ADK: variants seen among roughly 807,000 people sequenced by gnomAD.
ADK encodes the protein N6,N6-dimethyladenosine kinase.
In ADK, 24 loss-of-function variants were observed where a neutral mutation model predicts 44.7. That is an observed-to-expected ratio of 0.54 (90% CI 0.39 to 0.76). ADK has a LOEUF of 0.76. Among genes scored for constraint, ADK ranks in the 30% least tolerant of loss-of-function variants. The pLI is 0.00. For synonymous variants in ADK, 128 were observed against 142.6 expected (o/e 0.90, Z 0.73); for missense variants, 321 against 425.1 (o/e 0.76, Z 2.15).
At chr10:74,326,871 G>A (rs1363265771) in intron 4 of ADK, among the ~76,000 whole-genome samples, 1 of 151,798 alleles carries the variant, frequency 6.6e-6, no homozygotes, top group Non-Finnish European at 1.5e-5. Context: ...ATATTTCTCT[G>A]GGATCAATTG....
intron 10 of ADK, among the ~76,000 whole-genome samples, chr10:74,690,607 T>C (rs527537253): frequency 9.2e-5 from 14 of 152,244 alleles, no homozygotes; most frequent in Non-Finnish European, 1.9e-4. Flanking sequence ...AAATAAGCTT[T>C]GTCCTGTCAA....
chr10:74,309,664 G>T (rs978823062), intron 3 of ADK, among the ~76,000 whole-genome samples: 1 of 151,982 alleles, frequency 6.6e-6, no homozygotes, highest in Non-Finnish European at 1.5e-5. Flanking sequence ...AAGGGAGAGG[G>T]GTGTATGAAG....
At chr10:74,307,089 A>C (rs578092999) in intron 3 of ADK, among the ~76,000 whole-genome samples, 9 of 152,182 alleles carry the variant, frequency 5.9e-5, no homozygotes, top group Admixed American at 2.6e-4. Flanking sequence ...CAGTATAAGT[A>C]TATCCTTCCC....
At chr10:74,384,799 G>T (rs940191171) in intron 4 of ADK, among the ~76,000 whole-genome samples, 1 of 152,214 alleles carries the variant, frequency 6.6e-6, no homozygotes, top group African/African-American at 2.4e-5. Context: ...GAAGTATTCA[G>T]TGTACTGGAA....
At chr10:74,542,816 A>G (rs1169803072) in intron 7 of ADK, among the ~76,000 whole-genome samples, 1 of 152,102 alleles carries the variant, frequency 6.6e-6, no homozygotes. Context: ...CTTTTTTTCA[A>G]TCAAGTGCAT....
chr10:74,160,996 A>C (rs1591792317), intron 1 of ADK, among the ~76,000 whole-genome samples: 3 of 152,032 alleles, frequency 2.0e-5, no homozygotes, highest in Non-Finnish European at 4.4e-5. Flanking sequence ...TCTCTATAAA[A>C]CTTTTCTACT....
intron 9 of ADK, among the ~76,000 whole-genome samples, chr10:74,654,313 G>A (rs1854396697): frequency 6.6e-6 from 1 of 152,196 alleles, no homozygotes; most frequent in Admixed American, 6.5e-5. Flanking sequence ...TGGCCTTTCA[G>A]TATTTTCTAT....
At chr10:74,618,507 A>G (rs1377135440) in intron 9 of ADK, among the ~76,000 whole-genome samples, 1 of 151,920 alleles carries the variant, frequency 6.6e-6, no homozygotes, top group Admixed American at 6.6e-5. Flanking sequence ...CAGGCTGGTC[A>G]CTAACTCCTG....
chr10:74,571,555 G>A (rs1850965094), intron 7 of ADK, among the ~76,000 whole-genome samples: 1 of 152,194 alleles, frequency 6.6e-6, no homozygotes, highest in African/African-American at 2.4e-5. Context: ...ATTTCTTCTA[G>A]ATTTTCTAGT....
Position 74,223,089 on chromosome 10 carries a change from T to G in ADK, c.141-1449T>G, listed in dbSNP as rs542379207. Among the ~76,000 whole-genome samples the G allele has an allele frequency of 1.3e-4, 20 of 152,318 alleles. No homozygotes were observed. The South Asian group carries it at 3.9e-3, about 30-fold the overall frequency. On this transcript the variant is annotated intron_variant, in intron 2 of 10. Coordinates refer to ENST00000539909, the MANE Select transcript of ADK (RefSeq NM_006721.4). ...TTAGAATACCTGAAACTGGGTATTT[T>G]ATAAGAAAAGGAATTTATTTCTTAC...
chr10:74,706,108 C>T (rs1856596735), intron 10 of ADK, among the ~76,000 whole-genome samples: 1 of 152,012 alleles, frequency 6.6e-6, no homozygotes, highest in South Asian at 2.1e-4. Flanking sequence ...CCAAGGCGGG[C>T]AGATTACTTG....
At chr10:74,449,638 C>T (rs1589121953) in intron 6 of ADK, among the ~76,000 whole-genome samples, 2 of 152,048 alleles carry the variant, frequency 1.3e-5, no homozygotes, top group South Asian at 2.1e-4. Context: ...TTTTTCAAAT[C>T]TTAACATCTT....
intron 6 of ADK, among the ~76,000 whole-genome samples, chr10:74,490,756 T>C (rs536064498): frequency 6.6e-6 from 1 of 152,258 alleles, no homozygotes; most frequent in East Asian, 1.9e-4. Flanking sequence ...CAGCTGATCT[T>C]TGTCCTAATT....
rs573600728 is a variant in ADK, at chr10:74,272,458, A to G, written c.195-42209A>G. Among the ~76,000 whole-genome samples the G allele has an allele frequency of 2.6e-5, 4 of 152,138 alleles. No homozygotes were observed. In the East Asian group the frequency reaches 7.7e-4, roughly 29 times the overall value. On this transcript the variant is annotated intron_variant, in intron 3 of 10. Coordinates refer to ENST00000539909, the MANE Select transcript of ADK (RefSeq NM_006721.4). ...GCCGGGTTAACTTTTGACTTTTTGT[A>G]GAGATGGGGTCTCACTATGTTGCCC...
intron 9 of ADK, among the ~76,000 whole-genome samples, chr10:74,630,172 A>G (rs904289164): frequency 1.3e-5 from 2 of 152,172 alleles, no homozygotes; most frequent in Non-Finnish European, 2.9e-5. Flanking sequence ...AGCATTTTAT[A>G]TAACCAGAGT....
chr10:74,673,540 A>T (rs935579761), intron 10 of ADK, among the ~76,000 whole-genome samples: 21 of 152,220 alleles, frequency 1.4e-4, no homozygotes, highest in Admixed American at 3.9e-4. Flanking sequence ...AGCGAACTCC[A>T]TACCAGACCA....
intron 3 of ADK, among the ~76,000 whole-genome samples, chr10:74,268,490 T>C (rs1846301613): frequency 6.6e-6 from 1 of 152,182 alleles, no homozygotes; most frequent in East Asian, 1.9e-4. Flanking sequence ...GGCAAAATTG[T>C]TGATACAACT....
At chr10:74,662,737 G>A (rs1273705318) in intron 9 of ADK, among the ~76,000 whole-genome samples, 1 of 152,144 alleles carries the variant, frequency 6.6e-6, no homozygotes, top group Non-Finnish European at 1.5e-5. Context: ...AGTTTGCCAA[G>A]CTTGTTGCTA....
At chr10:74,568,761 G>A (rs1338427103) in intron 7 of ADK, among the ~76,000 whole-genome samples, 1 of 149,742 alleles carries the variant, frequency 6.7e-6, no homozygotes, top group African/African-American at 2.5e-5. Flanking sequence ...ATAGTTATTT[G>A]TACTTTTTAT....
Sources: allele counts gnomAD v4.1 joint callset (sites outside exome capture counted in the v4.1 genomes callset), GRCh38; gene constraint gnomAD v4.1.1; transcripts MANE v1.5; gene names NCBI Gene and HGNC (gene_info 2026-07-23, HGNC 2026-07-21).